PTPRK: variants seen among roughly 807,000 people sequenced by gnomAD.
The protein encoded by PTPRK is protein tyrosine phosphatase receptor type K.
PTPRK carries 75 observed loss-of-function variants against 178.0 expected under a neutral mutation model. The ratio of observed to expected loss-of-function variants is 0.42; its 90% confidence interval spans 0.35 to 0.51. The LOEUF (loss-of-function observed/expected upper bound fraction) is 0.51, where lower values mean the gene tolerates loss of function less well. Ranked by LOEUF, PTPRK falls within the 20% of genes least tolerant of loss-of-function variation. PTPRK has a pLI of 0.02. For synonymous variants in PTPRK, 637 were observed against 620.6 expected (o/e 1.03, Z -0.39); for missense variants, 1,441 against 1,797.8 (o/e 0.80, Z 3.59).
intron 1 of PTPRK, among the ~76,000 whole-genome samples, chr6:128,460,152 G>C (rs1163846709): frequency 1.3e-5 from 2 of 152,062 alleles, no homozygotes; most frequent in African/African-American, 4.8e-5. Context: ...ATTTGGGTGG[G>C]GACACCGATC....
chr6:128,445,976 T>C (rs979790831), intron 1 of PTPRK, among the ~76,000 whole-genome samples: 1 of 152,184 alleles, frequency 6.6e-6, no homozygotes, highest in Non-Finnish European at 1.5e-5. Flanking sequence ...GCCAGTTTTC[T>C]TCAATTAGAA....
chr6:128,349,717 G>A (rs563770293), intron 2 of PTPRK, among the ~76,000 whole-genome samples: 12 of 152,192 alleles, frequency 7.9e-5, no homozygotes, highest in Non-Finnish European at 1.6e-4. Context: ...GAAAAGAAGT[G>A]CTGTTGAAAG....
chr6:128,450,856 A>ATT (rs1847699780), intron 1 of PTPRK, among the ~76,000 whole-genome samples: 1 of 152,240 alleles, frequency 6.6e-6, no homozygotes, highest in East Asian at 1.9e-4. Flanking sequence ...TCTGTTGCAT[A>ATT]TCAAAATAAG....
chr6:128,202,796 T>C (rs1056337754), intron 6 of PTPRK, among the ~76,000 whole-genome samples: 1 of 152,204 alleles, frequency 6.6e-6, no homozygotes, highest in Admixed American at 6.5e-5. Context: ...CAGGATCAGA[T>C]GGATTGACAG....
intron 1 of PTPRK, among the ~76,000 whole-genome samples, chr6:128,454,420 T>C (rs1848155400): frequency 6.6e-6 from 1 of 152,248 alleles, no homozygotes; most frequent in African/African-American, 2.4e-5. Flanking sequence ...ACACAGGCTT[T>C]AGGCCAGGCT....
chr6:128,501,348 C>T (rs927361886), intron 1 of PTPRK, among the ~76,000 whole-genome samples: 2 of 151,928 alleles, frequency 1.3e-5, no homozygotes, highest in African/African-American at 4.8e-5. Context: ...TCATAAGTCA[C>T]TTGGGGACTG....
intron 1 of PTPRK, among the ~76,000 whole-genome samples, chr6:128,514,537 C>A (rs1301686564): frequency 6.6e-6 from 1 of 152,176 alleles, no homozygotes; most frequent in East Asian, 1.9e-4. Context: ...TAGAATGACA[C>A]CTGTTGGAGG....
intron 6 of PTPRK, among the ~76,000 whole-genome samples, chr6:128,200,644 T>C (rs1168496552): frequency 1.3e-5 from 2 of 151,268 alleles, no homozygotes; most frequent in African/African-American, 2.4e-5. Context: ...TGAGGTGAGA[T>C]TGCTTGTATC....
At chr6:128,353,612 A>G (rs192115895) in intron 2 of PTPRK, among the ~76,000 whole-genome samples, 4 of 152,254 alleles carry the variant, frequency 2.6e-5, no homozygotes, top group Admixed American at 6.5e-5. Context: ...CATAGTACAT[A>G]CATACCATAT....
intron 8 of PTPRK, among the ~76,000 whole-genome samples, chr6:128,085,860 A>T (rs1280315833): frequency 2.6e-5 from 4 of 152,234 alleles, no homozygotes; most frequent in Non-Finnish European, 4.4e-5. Context: ...TGAGAGAAGG[A>T]ACTATACTTA....
chr6:128,195,718 C>G (rs1804745010), intron 6 of PTPRK, among the ~76,000 whole-genome samples: 1 of 152,038 alleles, frequency 6.6e-6, no homozygotes, highest in Admixed American at 6.6e-5. Flanking sequence ...GTACTACTAA[C>G]TCCAAAGCAG....
chr6:128,188,049 A>G (rs1267404160), intron 6 of PTPRK, among the ~76,000 whole-genome samples: 1 of 152,186 alleles, frequency 6.6e-6, no homozygotes, highest in African/African-American at 2.4e-5. Flanking sequence ...CTTCATAACA[A>G]TACACAACCA....
chr6:128,328,017 A>C (rs1829795753), intron 2 of PTPRK, among the ~76,000 whole-genome samples: 1 of 152,202 alleles, frequency 6.6e-6, no homozygotes, highest in Admixed American at 6.5e-5. Context: ...TGTGTGCCAC[A>C]GCAAGGCAGT....
intron 13 of PTPRK, among the ~76,000 whole-genome samples, chr6:128,027,518 G>A (rs1361149940): frequency 2.6e-5 from 4 of 151,816 alleles, no homozygotes; most frequent in Non-Finnish European, 5.9e-5. Flanking sequence ...ATGAATGATC[G>A]TTTCAGAGCT....
At chr6:128,277,175 A>G (rs1286595081) in intron 3 of PTPRK, among the ~76,000 whole-genome samples, 5 of 152,158 alleles carry the variant, frequency 3.3e-5, no homozygotes, top group Non-Finnish European at 7.3e-5. Context: ...GTTCATATAG[A>G]AAGTAATTCA....
chr6:128,238,352 C>CAA lies in PTPRK; in HGVS notation c.693+1681_693+1682dup, dbSNP rs201208932. On this transcript the variant is annotated intron_variant, in intron 5 of 29. Coordinates refer to ENST00000368226, the MANE Select transcript of PTPRK (RefSeq NM_002844.4). ...GACTATCTACAAAATAGAAAGCAAACAAAAAAAAAAAATGAGCAGTATTGG... is the reference window on the plus strand; with the variant it reads ...GACTATCTACAAAATAGAAAGCAAACAAAAAAAAAAAAAATGAGCAGTATTGG... Among the ~76,000 whole-genome samples, 32 of 140,416 alleles carry CAA rather than the reference C, an allele frequency of 2.3e-4. No individual in the cohort carries two copies. The East Asian group carries it at 4.4e-3, about 19-fold the overall frequency. 92.1% of individuals were successfully genotyped at this position (140,416 alleles called of 152,430 possible).
At chr6:128,134,444 G>C (rs1794716811) in intron 7 of PTPRK, among the ~76,000 whole-genome samples, 1 of 152,222 alleles carries the variant, frequency 6.6e-6, no homozygotes, top group African/African-American at 2.4e-5. Context: ...GCTTGGCTAG[G>C]CTATGGTGCC....
chr6:128,202,671 C>T (rs562243465), intron 6 of PTPRK, among the ~76,000 whole-genome samples: 20 of 152,206 alleles, frequency 1.3e-4, no homozygotes, highest in African/African-American at 4.3e-4. Flanking sequence ...GGGGTGGTTG[C>T]CATCTCTGTG....
chr6:128,337,195 T>G (rs1831053802), intron 2 of PTPRK, among the ~76,000 whole-genome samples: 3 of 152,182 alleles, frequency 2.0e-5, no homozygotes, highest in Non-Finnish European at 4.4e-5. Context: ...TTGCCCACTT[T>G]GTATTTGTTA....
Sources: allele counts gnomAD v4.1 joint callset (sites outside exome capture counted in the v4.1 genomes callset), GRCh38; gene constraint gnomAD v4.1.1; transcripts MANE v1.5; gene names NCBI Gene and HGNC (gene_info 2026-07-23, HGNC 2026-07-21).